TENM1: variants seen among roughly 807,000 people sequenced by gnomAD.
The protein encoded by TENM1 is teneurin transmembrane protein 1.
TENM1 carries 35 observed loss-of-function variants against 174.8 expected under a neutral mutation model. That is an observed-to-expected ratio of 0.20 (90% CI 0.15 to 0.27). The LOEUF (loss-of-function observed/expected upper bound fraction) is 0.27, where lower values mean the gene tolerates loss of function less well. Ranked by LOEUF, TENM1 falls within the 10% of genes least tolerant of loss-of-function variation. TENM1 has a pLI of 1.00. For synonymous variants in TENM1, 781 were observed against 798.7 expected (o/e 0.98, Z 0.37); for missense variants, 1,633 against 2,130.1 (o/e 0.77, Z 4.59).
At chrX:124,440,231 C>G (rs1433419656) in intron 23 of TENM1, among the ~76,000 whole-genome samples, 1 of 112,101 alleles carries the variant, frequency 8.9e-6, no homozygotes, top group African/African-American at 3.2e-5. Flanking sequence ...AAATTAGAGA[C>G]TGACAACTAC....
intron 15 of TENM1, among the ~76,000 whole-genome samples, chrX:124,531,080 G>A (rs181164358): frequency 3.6e-4 from 39 of 108,597 alleles, no homozygotes; most frequent in Non-Finnish European, 7.5e-4. Flanking sequence ...CAGGGTTGAG[G>A]AAGGTTGAGC....
chrX:124,593,003 C>T (rs1250760452), intron 11 of TENM1, among the ~76,000 whole-genome samples: 1 of 111,247 alleles, frequency 9.0e-6, no homozygotes, highest in Non-Finnish European at 1.9e-5. Flanking sequence ...GGTAGAAACT[C>T]TCTGTTCTCT....
the TENM1 span, among the ~76,000 whole-genome samples, chrX:125,143,719 G>A: frequency 9.0e-6 from 1 of 111,686 alleles, no homozygotes; most frequent in Non-Finnish European, 1.9e-5. Context: ...AGATTTCCCT[G>A]AAAAGAGACC....
chrX:124,814,935 C>T (rs748418123), intron 3 of TENM1, among the ~76,000 whole-genome samples: 2 of 112,095 alleles, frequency 1.8e-5, no homozygotes, highest in African/African-American at 6.5e-5. Flanking sequence ...ATCAAACAAA[C>T]AAGTTATTTC....
At chrX:125,201,112 A>T in the TENM1 span, among the ~76,000 whole-genome samples, 1 of 112,423 alleles carries the variant, frequency 8.9e-6, no homozygotes, top group Non-Finnish European at 1.9e-5. Flanking sequence ...TTGACAATTT[A>T]AAGTAATATT....
At chrX:124,424,178 C>T (rs1025868162) in intron 23 of TENM1, among the ~76,000 whole-genome samples, 7 of 111,473 alleles carry the variant, frequency 6.3e-5, no homozygotes, top group African/African-American at 2.0e-4. Flanking sequence ...TGTATGGCTG[C>T]CCTAGCAGAC....
chrX:124,539,832 A>G (rs1041968257), intron 15 of TENM1, among the ~76,000 whole-genome samples: 1 of 112,216 alleles, frequency 8.9e-6, no homozygotes, highest in Admixed American at 9.4e-5. Context: ...CAAGTCATCA[A>G]TAGTCTCCAG....
At chrX:124,963,102 T>A (rs1237911239) in intron 1 of TENM1, among the ~76,000 whole-genome samples, 1 of 112,311 alleles carries the variant, frequency 8.9e-6, no homozygotes, top group Admixed American at 9.4e-5. Flanking sequence ...TGTTTCTACA[T>A]TACGGTGATA....
chrX:125,031,449 G>C, the TENM1 span, among the ~76,000 whole-genome samples: 1 of 111,617 alleles, frequency 9.0e-6, no homozygotes, highest in African/African-American at 3.3e-5. Context: ...CCCCTCAACT[G>C]AAATGTAAAA....
At chrX:124,947,209 G>A (rs1235638413) in intron 1 of TENM1, among the ~76,000 whole-genome samples, 1 of 111,784 alleles carries the variant, frequency 8.9e-6, no homozygotes, top group Non-Finnish European at 1.9e-5. Flanking sequence ...GCTAATCATA[G>A]TGGATCCCTG....
At chrX:124,964,336 T>C (rs73547695), upstream of TENM1, among the ~76,000 whole-genome samples, 399 of 111,666 alleles carry the variant, frequency 3.6e-3, 3 homozygotes, top group African/African-American at 0.013. Context: ...AGAGAGCTCA[T>C]GGAATAAAGT....
chrX:124,694,383 C>T (rs1422898044), intron 5 of TENM1, among the ~76,000 whole-genome samples: 1 of 111,771 alleles, frequency 8.9e-6, no homozygotes, highest in Non-Finnish European at 1.9e-5. Context: ...AGAGACAACT[C>T]TGAGTAATTT....
chrX:125,066,552 T>C, the TENM1 span, among the ~76,000 whole-genome samples: 2 of 111,779 alleles, frequency 1.8e-5, no homozygotes, highest in Non-Finnish European at 3.8e-5. Flanking sequence ...CCATTTTCTC[T>C]GGGTCTCAAT....
At chrX:124,910,330 G>T (rs1284716213) in intron 1 of TENM1, among the ~76,000 whole-genome samples, 1 of 112,140 alleles carries the variant, frequency 8.9e-6, no homozygotes. Context: ...TCAAATTAAT[G>T]TTTCAGGCAT....
the TENM1 span, among the ~76,000 whole-genome samples, chrX:125,012,329 T>C: frequency 8.9e-6 from 1 of 111,803 alleles, no homozygotes; most frequent in Admixed American, 9.5e-5. Context: ...TCTGCACATG[T>C]ATCCTGGAAT....
At chrX:124,881,945 CCTCAAA>C (rs1232802910) in intron 3 of TENM1, among the ~76,000 whole-genome samples, 1 of 111,531 alleles carries the variant, frequency 9.0e-6, no homozygotes, top group Non-Finnish European at 1.9e-5. Flanking sequence ...GCCAGGCTGG[CCTCAAA>C]CTCCGGACCT....
At chrX:124,822,744 G>C (rs190128689) in intron 3 of TENM1, among the ~76,000 whole-genome samples, 24 of 111,915 alleles carry the variant, frequency 2.1e-4, no homozygotes, top group African/African-American at 6.8e-4. Context: ...ACCGAGCGAA[G>C]GACTGGGACA....
At chrX:124,802,506 G>T (rs2055481939) in intron 3 of TENM1, among the ~76,000 whole-genome samples, 2 of 111,098 alleles carry the variant, frequency 1.8e-5, no homozygotes, top group Admixed American at 1.9e-4. Flanking sequence ...CTCTGACCTT[G>T]GGGGGCACCA....
At chrX:125,103,338 C>T in the TENM1 span, among the ~76,000 whole-genome samples, 1 of 111,066 alleles carries the variant, frequency 9.0e-6, no homozygotes, top group African/African-American at 3.3e-5. Flanking sequence ...AAAAGCTGTG[C>T]ACATATCTTG....
Sources: allele counts gnomAD v4.1 joint callset (sites outside exome capture counted in the v4.1 genomes callset), GRCh38; gene constraint gnomAD v4.1.1; transcripts MANE v1.5; gene names NCBI Gene and HGNC (gene_info 2026-07-23, HGNC 2026-07-21).